CHKA: variants seen among roughly 807,000 people sequenced by gnomAD.
The protein encoded by CHKA is choline kinase alpha, also known as CHETK-alpha.
CHKA carries 34 observed loss-of-function variants against 60.1 expected under a neutral mutation model. That is an observed-to-expected ratio of 0.57 (90% CI 0.43 to 0.75). The LOEUF is 0.75. CHKA is among the 30% of genes least tolerant of loss of function. The pLI is 0.00. For synonymous variants in CHKA, 217 were observed against 223.1 expected (o/e 0.97, Z 0.24); for missense variants, 563 against 561.3 (o/e 1.00, Z -0.03).
chr11:68,062,125 C>G, intron 10 of CHKA, 91 bp from the exon 11 acceptor site: 1 of 922,678 alleles, frequency 1.1e-6, no homozygotes, highest in South Asian at 1.5e-5. Context: ...GACATTTTAA[C>G]TTGTGTGGAT....
chr11:68,086,150 TA>T (rs1414860374), intron 2 of CHKA, among the ~76,000 whole-genome samples: 1 of 151,958 alleles, frequency 6.6e-6, no homozygotes, highest in African/African-American at 2.4e-5. Flanking sequence ...CCTTCTCTAC[TA>T]AAAATACAAA....
At chr11:68,066,356 A>G (rs1856444755) in intron 8 of CHKA, 73 bp downstream of exon 8, 6 of 1,266,310 alleles carry the variant, frequency 4.7e-6, no homozygotes, top group Middle Eastern at 1.9e-4. Flanking sequence ...TATTTTCTCT[A>G]ATAACTGTTA....
At chr11:68,091,850 T>C (rs187766057) in intron 2 of CHKA, among the ~76,000 whole-genome samples, 1 of 152,270 alleles carries the variant, frequency 6.6e-6, no homozygotes, top group East Asian at 1.9e-4. Context: ...CACCTCTGAT[T>C]CTCACAGAGG....
intron 2 of CHKA, among the ~76,000 whole-genome samples, chr11:68,091,950 A>G (rs1382718163): frequency 1.3e-5 from 2 of 152,200 alleles, no homozygotes; most frequent in African/African-American, 2.4e-5. Context: ...GAAAAATGCA[A>G]AATACTCTGA....
At chr11:68,089,192 G>A (rs1332862415) in intron 2 of CHKA, among the ~76,000 whole-genome samples, 2 of 152,154 alleles carry the variant, frequency 1.3e-5, no homozygotes, top group Non-Finnish European at 2.9e-5. Flanking sequence ...CCTATTTCAG[G>A]ACCTTCTCAA....
chr11:68,103,087 G>A (rs1857788040), intron 1 of CHKA, among the ~76,000 whole-genome samples: 1 of 152,184 alleles, frequency 6.6e-6, no homozygotes, highest in African/African-American at 2.4e-5. Flanking sequence ...AGTAAGCTAT[G>A]AATGCACCAC....
chr11:68,094,525 A>G (rs1857441219), intron 2 of CHKA, among the ~76,000 whole-genome samples: 1 of 152,182 alleles, frequency 6.6e-6, no homozygotes, highest in Non-Finnish European at 1.5e-5. Flanking sequence ...TGGGTGGCAA[A>G]GTGAGATCCT....
At position 68,054,068 on chromosome 11, in the gene CHKA, G is replaced by C. The variant is rs191643946; in HGVS notation, c.1315-21C>G. 1.3e-4 allele frequency: 204 copies of C among 1,607,414 alleles called. 1 individual carries two copies. Among genetic ancestry groups the C allele is most frequent in the Admixed American group, 6.0e-4 (36 of 59,564 alleles). On this transcript the variant is annotated intron_variant, in intron 11 of 11. Transcript: ENST00000265689. Reference sequence around the variant, plus strand: ...TAGTCCTAGGAGACAGCAAAGAGAAGGCCTCAGCAAGGAATCCTGCTGGCC... The same window carrying C: ...TAGTCCTAGGAGACAGCAAAGAGAACGCCTCAGCAAGGAATCCTGCTGGCC...
intron 1 of CHKA, among the ~76,000 whole-genome samples, chr11:68,103,532 T>C (rs1857802939): frequency 6.6e-6 from 1 of 151,752 alleles, no homozygotes; most frequent in Non-Finnish European, 1.5e-5. Context: ...AGTACAGATA[T>C]GAAAAACAGT....
rs1856985638 is a variant in CHKA at position 68,081,469 on chromosome 11, A to T, written c.463-12T>A. The T allele has an allele frequency of 1.2e-6, 2 of 1,609,302 alleles. No homozygotes were observed. Among genetic ancestry groups the T allele is most frequent in the Non-Finnish European group, 1.7e-6 (2 of 1,175,820 alleles). On this transcript the variant is annotated splice_polypyrimidine_tract_variant and intron_variant, in intron 2 of 11. Coordinates refer to ENST00000265689, the MANE Select transcript of CHKA (RefSeq NM_001277.3). ...TTATTACAGGACCTCTATGAATGAG[A>T]AAAAGGAAACACTTCTGGTGAGATG...
chr11:68,064,696 C>T (rs1055713852), intron 9 of CHKA, 65 bp from the exon 10 acceptor site: 4 of 910,108 alleles, frequency 4.4e-6, no homozygotes, highest in Non-Finnish European at 5.2e-6. Flanking sequence ...ATAGCTGTCA[C>T]TAAGCATATG....
intron 2 of CHKA, among the ~76,000 whole-genome samples, chr11:68,086,042 C>T (rs540689254): frequency 3.3e-5 from 5 of 151,542 alleles, no homozygotes; most frequent in Admixed American, 6.6e-5. Context: ...GGGCCAGGCA[C>T]GGTGGCTCAC....
intron 1 of CHKA, among the ~76,000 whole-genome samples, chr11:68,105,029 G>A (rs1190403175): frequency 2.6e-5 from 4 of 151,732 alleles, no homozygotes; most frequent in South Asian, 2.1e-4. Flanking sequence ...GCTTGAACCC[G>A]GGAGATGGAG....
intron 1 of CHKA, among the ~76,000 whole-genome samples, chr11:68,110,156 T>C (rs996638223): frequency 2.0e-5 from 3 of 152,122 alleles, no homozygotes; most frequent in Non-Finnish European, 4.4e-5. Context: ...ATAAAAAACC[T>C]ACAGCTAACA....
At chr11:68,120,546 T>C (rs1010406601) in intron 1 of CHKA, among the ~76,000 whole-genome samples, 3 of 152,274 alleles carry the variant, frequency 2.0e-5, no homozygotes, top group Non-Finnish European at 4.4e-5. Context: ...TGGAACGGTA[T>C]TGTTCTCCTA....
intron 3 of CHKA, among the ~76,000 whole-genome samples, chr11:68,081,022 C>T (rs1291445854): frequency 6.6e-6 from 1 of 152,200 alleles, no homozygotes. Context: ...GGGCAGTGAC[C>T]CGCTTCCTGA....
chr11:68,068,990 C>G, intron 6 of CHKA, 53 bp from the exon 7 acceptor site: 1 of 1,426,574 alleles, frequency 7.0e-7, no homozygotes, highest in Non-Finnish European at 9.8e-7. Context: ...CAGCTGCACA[C>G]AGTCTTGCTT....
At chr11:68,114,718 A>G (rs1858321597) in intron 1 of CHKA, among the ~76,000 whole-genome samples, 2 of 151,782 alleles carry the variant, frequency 1.3e-5, no homozygotes, top group African/African-American at 4.8e-5. Flanking sequence ...AAAAAAGAAG[A>G]AGAAAAGACA....
At chr11:68,071,554 C>A (rs1458494468) in intron 4 of CHKA, among the ~76,000 whole-genome samples, 1 of 152,246 alleles carries the variant, frequency 6.6e-6, no homozygotes, top group East Asian at 1.9e-4. Context: ...ACCTCCAGAG[C>A]TTCCTCATGC....
Sources: gnomAD v4.1 joint callset for allele counts (sites outside exome capture counted in the v4.1 genomes callset) on GRCh38, gnomAD v4.1.1 for gene constraint, MANE v1.5 for transcripts, NCBI Gene and HGNC (gene_info 2026-07-23, HGNC 2026-07-21) for gene names.